Variants in NTRK3 observed in about 807,000 individuals in gnomAD.
NTRK3 encodes the protein NT-3 growth factor receptor.
Under a neutral mutation model 91.7 loss-of-function variants are expected in NTRK3, and 24 were observed. The observed-to-expected ratio is 0.26, with a 90% CI of 0.19 to 0.37. The LOEUF (loss-of-function observed/expected upper bound fraction) is 0.37. NTRK3 is among the 10% of genes least tolerant of loss of function. The pLI is 1.00. For synonymous variants in NTRK3, 483 were observed against 404.0 expected (o/e 1.20, Z -2.34); for missense variants, 880 against 1,068.9 (o/e 0.82, Z 2.46).
chr15:87,861,868 T>G (rs2064534865), exon 19 of NTRK3: 1 of 210,860 alleles, frequency 4.7e-6, no homozygotes. Context: ...TAGAGATGCC[T>G]GCTCTGCATC....
chr15:88,098,218 C>A (rs2049819543), intron 13 of NTRK3, among the ~76,000 whole-genome samples: 1 of 152,156 alleles, frequency 6.6e-6, no homozygotes, highest in Non-Finnish European at 1.5e-5. Flanking sequence ...AATCACACCC[C>A]ACCACGGAAG....
chr15:87,929,628 C>T (rs891863620), intron 16 of NTRK3, among the ~76,000 whole-genome samples, 194 bp from the exon 17 acceptor site: 27 of 152,166 alleles, frequency 1.8e-4, no homozygotes, highest in Non-Finnish European at 2.9e-5. Flanking sequence ...ACTCCACAAC[C>T]AGATTCTGGC....
intron 17 of NTRK3, among the ~76,000 whole-genome samples, chr15:87,894,828 G>A (rs1297808288): frequency 4.6e-5 from 7 of 152,100 alleles, no homozygotes; most frequent in Admixed American, 3.9e-4. Flanking sequence ...CTCCTCCCCT[G>A]CTCTACTCTC....
intron 17 of NTRK3, among the ~76,000 whole-genome samples, chr15:87,917,092 C>T (rs1398155191): frequency 1.3e-5 from 2 of 152,204 alleles, no homozygotes; most frequent in African/African-American, 4.8e-5. Context: ...CATTGAGGTT[C>T]TTCTTAGTTT....
At chr15:88,089,184 G>A (rs373430772) in intron 13 of NTRK3, among the ~76,000 whole-genome samples, 29 of 152,220 alleles carry the variant, frequency 1.9e-4, no homozygotes, top group East Asian at 1.7e-3. Context: ...TCTCAAAACC[G>A]ACATGCCTGC....
chr15:88,086,832 T>C (rs1315082534), intron 13 of NTRK3, among the ~76,000 whole-genome samples: 1 of 152,194 alleles, frequency 6.6e-6, no homozygotes, highest in Non-Finnish European at 1.5e-5. Context: ...CCCTAGTTTT[T>C]CTCTTCACCT....
chr15:88,077,414 C>T (rs2047646927), intron 13 of NTRK3, among the ~76,000 whole-genome samples: 1 of 152,112 alleles, frequency 6.6e-6, no homozygotes, highest in African/African-American at 2.4e-5. Flanking sequence ...TCTGCCTTCC[C>T]AGCCCTGCCT....
At chr15:88,122,058 C>T (rs1267417259) in intron 13 of NTRK3, among the ~76,000 whole-genome samples, 1 of 152,140 alleles carries the variant, frequency 6.6e-6, no homozygotes, top group Non-Finnish European at 1.5e-5. Flanking sequence ...CCTACACATA[C>T]CGACAGAGAG....
intron 14 of NTRK3, among the ~76,000 whole-genome samples, chr15:87,986,579 T>C (rs764140085): frequency 6.6e-6 from 1 of 152,264 alleles, no homozygotes; most frequent in Non-Finnish European, 1.5e-5. Flanking sequence ...AAAGTGGGTA[T>C]TTTCTAGATT....
exon 15 of NTRK3, chr15:87,940,674 G>C (rs55799747): frequency 3.7e-6 from 6 of 1,614,070 alleles, no homozygotes; most frequent in South Asian, 1.1e-5. Flanking sequence ...TGTAGCACTC[G>C]GCCAGGAAGA....
chr15:88,187,068 C>T (rs117263624), intron 3 of NTRK3, among the ~76,000 whole-genome samples: 1,810 of 152,302 alleles, frequency 0.012, 16 homozygotes, highest in South Asian at 0.029. Flanking sequence ...TCAGGCAGAG[C>T]TGGCTGTGCT....
chr15:87,906,519 G>A (rs979065616), intron 17 of NTRK3, among the ~76,000 whole-genome samples: 7 of 152,140 alleles, frequency 4.6e-5, no homozygotes, highest in African/African-American at 1.7e-4. Flanking sequence ...AAGCAGACAA[G>A]GTATCCTTCC....
rs575506097 is a variant in NTRK3, at chr15:87,980,925, G to A, written c.1586-40172C>T. ...ATCTGGGGTATGAAGGAAAAGGGAA[G>A]GAAGGCCATTGGTCTGGGTAGCCTG... On this transcript the variant is annotated intron_variant, in intron 14 of 18. Coordinates refer to ENST00000394480, the Ensembl canonical transcript of NTRK3. Among the ~76,000 whole-genome samples, 21 of 152,252 alleles carry A rather than the reference G, an allele frequency of 1.4e-4. No homozygotes were observed. In the South Asian group the frequency reaches 4.1e-3, roughly 30 times the overall value.
chr15:88,123,716 A>T (rs531214989), intron 13 of NTRK3, among the ~76,000 whole-genome samples: 2 of 152,350 alleles, frequency 1.3e-5, no homozygotes, highest in South Asian at 4.1e-4. Context: ...AGGCAGGACA[A>T]CTGGAAGCAG....
chr15:88,174,962 T>C (rs1365885406), intron 5 of NTRK3, among the ~76,000 whole-genome samples: 1 of 152,210 alleles, frequency 6.6e-6, no homozygotes. Flanking sequence ...TTCCTTATAC[T>C]TAAATTAGAG....
chr15:88,228,490 C>T (rs899203817), intron 3 of NTRK3, among the ~76,000 whole-genome samples: 1 of 152,190 alleles, frequency 6.6e-6, no homozygotes, highest in African/African-American at 2.4e-5. Context: ...CACTCAGAGC[C>T]TCTGGGAGCT....
chr15:87,935,102 C>T lies in NTRK3; in HGVS notation c.1717-1918G>A, dbSNP rs574067281. Among the ~76,000 whole-genome samples, 5 of 152,294 alleles carry T rather than the reference C, an allele frequency of 3.3e-5. No homozygotes were observed. In the South Asian group the frequency reaches 1.0e-3, roughly 32 times the overall value. ...CAGCTTGAGTCTGGAGCCCAGGACA[C>T]TTTCCTGCCCAGCACACCTGCCTGA... On this transcript the variant is annotated intron_variant, in intron 15 of 18. Transcript: ENST00000394480.
Position 88,240,289 on chromosome 15 carries a change from AC to A in NTRK3, c.248+15616del, listed in dbSNP as rs2052218640. Reference sequence around the variant, plus strand: ...GCCCCCTGATTTTAAATATAAGAAAACTGAGACCTTAGAGACAACAATGCCC... The same window carrying A: ...GCCCCCTGATTTTAAATATAAGAAAATGAGACCTTAGAGACAACAATGCCC... On this transcript the variant is annotated intron_variant, in intron 3 of 18. Transcript: ENST00000394480. The surrounding 1 kb of genome is among the most constrained non-coding windows in gnomAD (Gnocchi z 4.9). Among the ~76,000 whole-genome samples, 1 of 151,960 alleles carries A rather than the reference AC, an allele frequency of 6.6e-6. No individual in the cohort carries two copies. The highest frequency in any genetic ancestry group is 2.1e-4 in the South Asian group (1 of 4,812).
chr15:88,235,690 C>G lies in NTRK3; in HGVS notation c.248+20216G>C, dbSNP rs1336942564. Among the ~76,000 whole-genome samples the G allele has an allele frequency of 6.6e-6, 1 of 152,136 alleles. No individual in the cohort carries two copies. Among genetic ancestry groups the G allele is most frequent in the Non-Finnish European group, 1.5e-5 (1 of 68,000 alleles). On this transcript the variant is annotated intron_variant, in intron 3 of 18. Transcript: ENST00000394480. This position sits in a 1 kb window ranked among gnomAD's most constrained non-coding sequence, Gnocchi z 5.2. Reference sequence around the variant, plus strand: ...GAGAAGAAGGGAGCTCTGAGAGGACCCTAGGGGGATGTCCTTGGGCTGAGG... The same window carrying G: ...GAGAAGAAGGGAGCTCTGAGAGGACGCTAGGGGGATGTCCTTGGGCTGAGG...
Sources: gnomAD v4.1 joint callset for allele counts (sites outside exome capture counted in the v4.1 genomes callset) on GRCh38, gnomAD v4.1.1 for gene constraint, Gnocchi (gnomAD v3.1) non-coding constraint, MANE v1.5 for transcripts, NCBI Gene and HGNC (gene_info 2026-07-23, HGNC 2026-07-21) for gene names.